PRKN: variants seen among roughly 807,000 people sequenced by gnomAD.
PRKN encodes the protein E3 ubiquitin-protein ligase parkin.
PRKN carries 56 observed loss-of-function variants against 59.5 expected under a neutral mutation model. The observed-to-expected ratio is 0.94, with a 90% CI of 0.76 to 1.18. PRKN has a LOEUF of 1.18. PRKN is among the 50% of genes most tolerant of loss of function. The probability of loss-of-function intolerance (pLI) is 0.00; values close to 1 mark genes in which losing one functional copy is unlikely to be tolerated. For synonymous variants in PRKN, 250 were observed against 222.1 expected (o/e 1.13, Z -1.12); for missense variants, 657 against 596.4 (o/e 1.10, Z -1.06).
chr6:162,283,077 A>G (rs1471236672), intron 2 of PRKN, among the ~76,000 whole-genome samples: 11 of 151,516 alleles, frequency 7.3e-5, no homozygotes, highest in African/African-American at 2.4e-4. Flanking sequence ...TTTTCTGTCA[A>G]TGTCTTTATG....
intron 7 of PRKN, among the ~76,000 whole-genome samples, chr6:161,686,758 C>G (rs1785572276): frequency 6.6e-6 from 1 of 152,162 alleles, no homozygotes; most frequent in Non-Finnish European, 1.5e-5. Flanking sequence ...CCTTTGACTT[C>G]AAACACACTT....
At chr6:162,662,349 AT>A (rs1042224645) in intron 1 of PRKN, among the ~76,000 whole-genome samples, 38 of 150,660 alleles carry the variant, frequency 2.5e-4, no homozygotes, top group South Asian at 1.0e-3. Context: ...TAGCTTGCAA[AT>A]TTTTTTTCCA....
chr6:162,658,662 AAAAAAAAAAAAG>A (rs1331657702), intron 1 of PRKN, among the ~76,000 whole-genome samples: 1,969 of 57,686 alleles, frequency 0.034, 40 homozygotes, highest in African/African-American at 0.14. Context: ...CTCTGTCAAA[AAAAAAAAAAAAG>A]AAAAAAAAAA....
rs180820402 is a variant in PRKN, at chr6:161,430,794, A to G, written c.1084-43917T>C. On this transcript the variant is annotated intron_variant, in intron 9 of 11. Transcript: ENST00000366898. ...TGCGCCACTGCACTCCAGCCTGGGC[A>G]ACACAGCCAGACTCCGTCTCAAAAA... is the stretch of plus-strand genomic sequence containing the variant. Among the ~76,000 whole-genome samples, 1,054 of 135,234 alleles carry G rather than the reference A, an allele frequency of 7.8e-3. 12 individuals carry two copies. Among genetic ancestry groups the G allele is most frequent in the African/African-American group, 0.027 (983 of 35,794 alleles). The allele number at this position is 135,234 out of a possible 152,430, so 88.7% of individuals were successfully genotyped here.
rs763058481 is a variant in PRKN at position 162,727,686 on chromosome 6, C to A, written c.-18G>T. On this transcript the variant is annotated 5_prime_UTR_variant, in exon 1 of 12. Transcript: ENST00000366898. Reference sequence around the variant, plus strand: ...CCTATCATGGTCACTGGGTAGGTGGCGGCTGCGGGCCAGGAACAGGCCCAT... The same window carrying A: ...CCTATCATGGTCACTGGGTAGGTGGAGGCTGCGGGCCAGGAACAGGCCCAT... The A allele has an allele frequency of 5.7e-6, 9 of 1,572,020 alleles. No homozygotes were observed. The highest frequency in any genetic ancestry group is 7.8e-6 in the Non-Finnish European group (9 of 1,159,920).
chr6:161,643,324 C>T (rs1783808619), intron 7 of PRKN, among the ~76,000 whole-genome samples: 1 of 152,138 alleles, frequency 6.6e-6, no homozygotes, highest in Non-Finnish European at 1.5e-5. Context: ...AGGAGAAATG[C>T]TGAAGCTCTC....
chr6:162,063,411 G>A (rs972783950), intron 4 of PRKN, among the ~76,000 whole-genome samples: 1 of 152,078 alleles, frequency 6.6e-6, no homozygotes, highest in African/African-American at 2.4e-5. Flanking sequence ...AAAATCACAA[G>A]ATACAATTTC....
chr6:161,570,506 CTCCT>C (rs1780848751), intron 7 of PRKN, among the ~76,000 whole-genome samples: 1 of 151,680 alleles, frequency 6.6e-6, no homozygotes, highest in African/African-American at 2.4e-5. Flanking sequence ...CTTCCCCCTC[CTCCT>C]CCTCCTCAGC....
At chr6:162,677,478 A>C (rs1319843921) in intron 1 of PRKN, among the ~76,000 whole-genome samples, 1 of 151,656 alleles carries the variant, frequency 6.6e-6, no homozygotes, top group Non-Finnish European at 1.5e-5. Flanking sequence ...AAAAAAAAAA[A>C]AAAAAAAAAA....
At chr6:161,415,705 C>T (rs1331404653) in intron 9 of PRKN, among the ~76,000 whole-genome samples, 2 of 150,992 alleles carry the variant, frequency 1.3e-5, no homozygotes, top group Non-Finnish European at 2.9e-5. Context: ...CTGCCCGGCC[C>T]CTCCTGAGCT....
intron 6 of PRKN, among the ~76,000 whole-genome samples, chr6:161,954,777 T>A (rs1780110017): frequency 6.6e-6 from 1 of 152,200 alleles, no homozygotes; most frequent in Admixed American, 6.5e-5. Context: ...GGAAAATGAC[T>A]TTCAGAATTG....
At chr6:162,404,034 T>C (rs1261238272) in intron 2 of PRKN, among the ~76,000 whole-genome samples, 4 of 152,162 alleles carry the variant, frequency 2.6e-5, no homozygotes, top group African/African-American at 9.6e-5. Context: ...ATACATAAAA[T>C]AGAGGTTGGT....
At chr6:161,872,975 C>T (rs9355944) in intron 6 of PRKN, among the ~76,000 whole-genome samples, 57,720 of 109,106 alleles carry the variant, frequency 0.53, 11,577 homozygotes, top group Non-Finnish European at 0.55. Flanking sequence ...TTTTTTTTTT[C>T]CAAAAAACCT....
intron 6 of PRKN, among the ~76,000 whole-genome samples, chr6:161,953,739 T>G (rs1353715895): frequency 6.6e-6 from 1 of 152,144 alleles, no homozygotes; most frequent in Non-Finnish European, 1.5e-5. Flanking sequence ...TACACACACA[T>G]GTACATTCCG....
At chr6:162,177,642 T>G (rs898946271) in intron 4 of PRKN, among the ~76,000 whole-genome samples, 5 of 151,428 alleles carry the variant, frequency 3.3e-5, no homozygotes, top group Non-Finnish European at 5.9e-5. Flanking sequence ...TTGATATAAT[T>G]AAGCGAAAAA....
At chr6:161,852,788 G>T (rs1353084797) in intron 6 of PRKN, among the ~76,000 whole-genome samples, 3 of 152,120 alleles carry the variant, frequency 2.0e-5, no homozygotes, top group African/African-American at 7.2e-5. Context: ...AAAAAAGAAG[G>T]CCCACCAAAT....
rs188519330 is a variant in PRKN, at chr6:162,662,850, G to T, written c.7+64812C>A. ...GCTTTGTGGTATAATTGAAAGTCAG[G>T]TAATGTGATATGAGGTAGGAATGAT... is the stretch of plus-strand genomic sequence containing the variant. On this transcript the variant is annotated intron_variant, in intron 1 of 11. Coordinates refer to ENST00000366898, the MANE Select transcript of PRKN (RefSeq NM_004562.3). Among the ~76,000 whole-genome samples, 524 of 152,268 alleles carry T rather than the reference G, an allele frequency of 3.4e-3. 2 individuals carry two copies. Among genetic ancestry groups the T allele is most frequent in the Non-Finnish European group, 5.9e-3 (398 of 68,034 alleles).
At chr6:162,052,103 T>C (rs894272776) in intron 5 of PRKN, among the ~76,000 whole-genome samples, 1 of 152,136 alleles carries the variant, frequency 6.6e-6, no homozygotes, top group African/African-American at 2.4e-5. Context: ...TCAAACTCTA[T>C]CCTCCATGTT....
At chr6:162,090,634 T>C (rs1156718813) in intron 4 of PRKN, among the ~76,000 whole-genome samples, 2 of 152,146 alleles carry the variant, frequency 1.3e-5, no homozygotes, top group Non-Finnish European at 2.9e-5. Context: ...CGACATCAAA[T>C]ATACAAGTGT....
Sources: allele counts gnomAD v4.1 joint callset (sites outside exome capture counted in the v4.1 genomes callset), GRCh38; gene constraint gnomAD v4.1.1; transcripts MANE v1.5; gene names NCBI Gene and HGNC (gene_info 2026-07-23, HGNC 2026-07-21).